Variants in PDE8A observed in about 807,000 individuals in gnomAD.
PDE8A encodes the protein phosphodiesterase 8A, also known as high affinity cAMP-specific and IBMX-insensitive 3',5'-cyclic phosphodiesterase 8A.
Under a neutral mutation model 105.0 loss-of-function variants are expected in PDE8A, and 59 were observed. The ratio of observed to expected loss-of-function variants is 0.56; its 90% CI spans 0.46 to 0.70. The LOEUF (loss-of-function observed/expected upper bound fraction) is 0.70, where lower values mean the gene tolerates loss of function less well. Among genes scored for constraint, PDE8A ranks in the 30% least tolerant of loss-of-function variants. The pLI is 0.00. For missense variants in PDE8A, 1,014 were observed against 1,045.9 expected (o/e 0.97, Z 0.42); for synonymous variants, 355 against 371.9 (o/e 0.95, Z 0.52).
At chr15:85,092,319 TTTG>T (rs978538578) in intron 8 of PDE8A, among the ~76,000 whole-genome samples, 14 of 138,788 alleles carry the variant, frequency 1.0e-4, no homozygotes, top group African/African-American at 4.1e-4. Flanking sequence ...AAGGATTTTT[TTTG>T]TTGTTGTTTT....
chr15:84,989,913 A>T (rs192899898), intron 1 of PDE8A, among the ~76,000 whole-genome samples: 1 of 152,194 alleles, frequency 6.6e-6, no homozygotes. Flanking sequence ...TCTGCAGTTA[A>T]CAGTTTTCTA....
intron 18 of PDE8A, 91 bp from the exon 19 acceptor site, chr15:85,122,970 A>G (rs2082204287): frequency 7.7e-7 from 1 of 1,305,396 alleles, no homozygotes; most frequent in Admixed American, 1.8e-5. Flanking sequence ...GCTGCAGAGG[A>G]CACATACCTG....
intron 1 of PDE8A, among the ~76,000 whole-genome samples, chr15:85,058,522 A>C (rs1051722313): frequency 6.6e-6 from 1 of 152,160 alleles, no homozygotes; most frequent in African/African-American, 2.4e-5. Flanking sequence ...CTGTGAAGCT[A>C]TTGGGTCCAG....
intron 9 of PDE8A, among the ~76,000 whole-genome samples, chr15:85,098,579 A>G (rs2081800335): frequency 6.6e-6 from 1 of 152,222 alleles, no homozygotes; most frequent in African/African-American, 2.4e-5. Flanking sequence ...AATTATGAAT[A>G]TGAATTATAG....
intron 11 of PDE8A, 127 bp downstream of exon 11, chr15:85,100,325 C>T (rs891231621): frequency 3.6e-5 from 28 of 780,910 alleles, no homozygotes; most frequent in Middle Eastern, 7.0e-4. Flanking sequence ...ACATTTCTCT[C>T]CTTGACTCCC....
intron 3 of PDE8A, among the ~76,000 whole-genome samples, chr15:85,067,751 A>T (rs867356803): frequency 6.6e-6 from 1 of 152,190 alleles, no homozygotes; most frequent in Non-Finnish European, 1.5e-5. Flanking sequence ...GAGAGAAAAG[A>T]TATAAGCTAA....
intron 1 of PDE8A, among the ~76,000 whole-genome samples, chr15:85,011,991 C>T (rs891422869): frequency 6.6e-6 from 1 of 152,186 alleles, no homozygotes; most frequent in Non-Finnish European, 1.5e-5. Context: ...ATCAAAACCA[C>T]AATGAGATAC....
At chr15:85,042,769 C>T (rs1897330862) in intron 1 of PDE8A, among the ~76,000 whole-genome samples, 1 of 152,160 alleles carries the variant, frequency 6.6e-6, no homozygotes, top group South Asian at 2.1e-4. Context: ...GGGTACTGCA[C>T]AGAGTGCTTC....
At chr15:85,093,741 A>G (rs2081689860) in intron 8 of PDE8A, among the ~76,000 whole-genome samples, 1 of 152,208 alleles carries the variant, frequency 6.6e-6, no homozygotes, top group Admixed American at 6.5e-5. Flanking sequence ...CTATATGTAT[A>G]TCCACCTGAC....
chr15:85,058,052 C>T (rs563528516), intron 1 of PDE8A, among the ~76,000 whole-genome samples: 2 of 152,194 alleles, frequency 1.3e-5, no homozygotes, highest in South Asian at 4.2e-4. Flanking sequence ...TAGAGTCTCA[C>T]TTTGTTACCT....
At chr15:85,099,472 G>T (rs1393440834) in intron 9 of PDE8A, among the ~76,000 whole-genome samples, 1 of 152,172 alleles carries the variant, frequency 6.6e-6, no homozygotes, top group Non-Finnish European at 1.5e-5. Flanking sequence ...ATAGGGATTT[G>T]ATTATCAAGG....
At chr15:85,073,951 G>A (rs1049363354) in intron 3 of PDE8A, among the ~76,000 whole-genome samples, 4 of 152,236 alleles carry the variant, frequency 2.6e-5, no homozygotes, top group African/African-American at 9.6e-5. Flanking sequence ...GCCCTGAGGT[G>A]GCGTGTCTGC....
intron 5 of PDE8A, among the ~76,000 whole-genome samples, chr15:85,077,407 C>T (rs995864150): frequency 2.0e-5 from 3 of 152,162 alleles, no homozygotes; most frequent in Admixed American, 1.3e-4. Flanking sequence ...GACCCTTGGG[C>T]AGATTTGTAG....
intron 11 of PDE8A, 149 bp from the exon 12 acceptor site, chr15:85,108,904 C>G (rs1321386736): frequency 3.8e-6 from 2 of 520,900 alleles, no homozygotes; most frequent in Non-Finnish European, 7.0e-6. Context: ...AAACTGGTTT[C>G]TCATAGTCTT....
intron 1 of PDE8A, among the ~76,000 whole-genome samples, chr15:85,021,281 C>T (rs1254686413): frequency 6.6e-6 from 1 of 152,118 alleles, no homozygotes; most frequent in Non-Finnish European, 1.5e-5. Context: ...GTGGCTCACA[C>T]CTGTAGTCTC....
intron 1 of PDE8A, among the ~76,000 whole-genome samples, chr15:85,020,825 C>T (rs542129509): frequency 1.3e-5 from 2 of 152,246 alleles, no homozygotes; most frequent in Admixed American, 1.3e-4. Context: ...TGCCCCTTTA[C>T]ATCCCTTCAG....
intron 1 of PDE8A, among the ~76,000 whole-genome samples, chr15:85,004,847 CTTTTT>C (rs35818984): frequency 7.1e-6 from 1 of 140,438 alleles, no homozygotes; most frequent in Non-Finnish European, 1.5e-5. Context: ...TTTTAATATT[CTTTTT>C]TTTTTTTTTT....
rs755562051 is a variant in PDE8A at position 85,065,085 on chromosome 15, A to G, written c.243+659A>G. ...GAGAAAGCAAAGCAAAGGTGGCAAA[A>G]TGTTAATTGATGAATGTAGAGAAAG... On this transcript the variant is annotated intron_variant, in intron 2 of 21. Coordinates refer to ENST00000394553, the MANE Select transcript of PDE8A (RefSeq NM_002605.3). Among the ~76,000 whole-genome samples the G allele has an allele frequency of 1.1e-4, 17 of 152,236 alleles. 1 individual carries two copies. The highest frequency in any genetic ancestry group is 2.4e-4 in the Non-Finnish European group (16 of 68,014).
At chr15:85,117,535 G>A (rs1352376949) in intron 16 of PDE8A, 106 bp from the exon 17 acceptor site, 4 of 900,852 alleles carry the variant, frequency 4.4e-6, no homozygotes, top group Non-Finnish European at 7.2e-6. Flanking sequence ...TCTCCACTTT[G>A]CTGCCCTGCA....
Sources: allele counts gnomAD v4.1 joint callset (sites outside exome capture counted in the v4.1 genomes callset), GRCh38; gene constraint gnomAD v4.1.1; transcripts MANE v1.5; gene names NCBI Gene and HGNC (gene_info 2026-07-23, HGNC 2026-07-21).